Variants in NEK1 observed in about 807,000 individuals in gnomAD.
NEK1 encodes the protein NIMA related kinase 1.
Under a neutral mutation model 182.1 loss-of-function variants are expected in NEK1, and 137 were observed. The observed-to-expected ratio is 0.75, with a 90% CI of 0.65 to 0.87. The LOEUF (loss-of-function observed/expected upper bound fraction) is 0.87, where lower values mean the gene tolerates loss of function less well. NEK1 is among the 40% of genes least tolerant of loss of function. The pLI, the probability that NEK1 is intolerant of heterozygous loss-of-function variation, is 0.00. For missense variants in NEK1, 1,391 were observed against 1,494.4 expected (o/e 0.93, Z 1.14); for synonymous variants, 513 against 492.2 (o/e 1.04, Z -0.56).
chr4:169,478,456 G>T (rs1369705231), intron 24 of NEK1: 3 of 152,072 alleles, frequency 2.0e-5, no homozygotes, highest in Non-Finnish European at 4.4e-5. Context: ...GGTATCTAAA[G>T]TTGGAGTAAC....
intron 11 of NEK1, 32 bp from the exon 12 acceptor site, chr4:169,577,111 C>A: frequency 6.2e-7 from 1 of 1,605,330 alleles, no homozygotes. Context: ...ATTTTGTCTG[C>A]AGTTCTTTAC....
At chr4:169,398,327 G>T in intron 35 of NEK1, among the ~76,000 whole-genome samples, 1 of 149,680 alleles carries the variant, frequency 6.7e-6, no homozygotes, top group Admixed American at 6.7e-5. Flanking sequence ...GGGGTTTATA[G>T]ACCCTTGGAT....
In NEK1 at chr4:169,491,060, T is replaced by C. The variant is rs538841252; in HGVS notation, c.2008-11526A>G. On this transcript the variant is annotated intron_variant, in intron 23 of 35. Transcript: ENST00000507142. Reference sequence around the variant, plus strand: ...TGGGAGGCTGAGGCAGGAGAATCGCTTGAACCCAGGAGGTGGAGGCTGCAG... The same window carrying C: ...TGGGAGGCTGAGGCAGGAGAATCGCCTGAACCCAGGAGGTGGAGGCTGCAG... Among the ~76,000 whole-genome samples, 10 of 140,842 alleles carry C rather than the reference T, an allele frequency of 7.1e-5. No homozygotes were observed. In the South Asian group the frequency reaches 2.3e-3, roughly 32 times the overall value. 92.4% of individuals were successfully genotyped at this position (140,842 alleles called of 152,430 possible).
chr4:169,588,321 T>G (rs566560618), intron 8 of NEK1, among the ~76,000 whole-genome samples: 2 of 152,100 alleles, frequency 1.3e-5, no homozygotes, highest in Non-Finnish European at 2.9e-5. Context: ...TACCTAGAAC[T>G]CGAAACAGTA....
At chr4:169,428,351 G>GATAGATATATATATATAT (rs1736771741) in intron 29 of NEK1, among the ~76,000 whole-genome samples, 1 of 93,224 alleles carries the variant, frequency 1.1e-5, no homozygotes, top group Non-Finnish European at 2.2e-5. Context: ...AAATATATGG[G>GATAGATATATATATATAT]ATATATATAT....
intron 12 of NEK1, among the ~76,000 whole-genome samples, chr4:169,570,539 G>A (rs1264331034): frequency 1.3e-5 from 2 of 149,622 alleles, no homozygotes; most frequent in South Asian, 2.1e-4. Flanking sequence ...CAGCATACCC[G>A]TCCGGGAGGG....
In NEK1 at chr4:169,537,872, T is replaced by A; in HGVS notation, c.1602A>T (p.Val534=). 1 of 1,611,204 alleles carries A rather than the reference T, an allele frequency of 6.2e-7. No individual in the cohort carries two copies. The highest frequency in any genetic ancestry group is 8.5e-7 in the Non-Finnish European group (1 of 1,178,378). Reference sequence around the variant, plus strand: ...CCCGTTTTCGCTGCAGGAACTCTTCTACTTGTTTAGCTCTTTCTACAGCTA... The same window carrying A: ...CCCGTTTTCGCTGCAGGAACTCTTCAACTTGTTTAGCTCTTTCTACAGCTA... ...GQLAVERAKQ[V]EEFLQRKREA... is the part of the protein sequence containing the mutation. Residue 534 remains valine (V), a synonymous_variant, in exon 19 of 36, where the codon GTA becomes GTT. Transcript: ENST00000507142.
chr4:169,577,727 C>T (rs1452300354), intron 11 of NEK1, among the ~76,000 whole-genome samples: 1 of 151,768 alleles, frequency 6.6e-6, no homozygotes, highest in Admixed American at 6.6e-5. Context: ...GCACTCCAGC[C>T]TGGGCGACAG....
rs566725535 is a variant in NEK1 at position 169,568,552 on chromosome 4, T to A, written c.1021-6356A>T. On this transcript the variant is annotated intron_variant, in intron 12 of 35. Transcript: ENST00000507142. ...ATCACAAGTAAAAATATACAAAAAG[T>A]ATATATAACACTAAGTAAAAACACT... 2.0e-5 allele frequency among the ~76,000 whole-genome samples: 3 copies of A among 152,182 alleles called. No homozygotes were observed. The South Asian group carries it at 6.2e-4, about 32-fold the overall frequency.
intron 19 of NEK1, among the ~76,000 whole-genome samples, chr4:169,512,032 G>A (rs2149709331): frequency 6.6e-6 from 1 of 152,150 alleles, no homozygotes; most frequent in Non-Finnish European, 1.5e-5. Context: ...GGGCATTTGG[G>A]TAGTTTTAAG....
In NEK1 at chr4:169,481,600, T is replaced by G. The variant is rs539017720; in HGVS notation, c.2008-2066A>C. ...AGTAGTAATATTTGGAAATAATTTT[T>G]TTTTTCTAACCAGTAGGTCTCAACA... On this transcript the variant is annotated intron_variant, in intron 23 of 35. Transcript: ENST00000507142. Among the ~76,000 whole-genome samples, 3 of 152,328 alleles carry G rather than the reference T, an allele frequency of 2.0e-5. No homozygotes were observed. The South Asian group carries it at 6.2e-4, about 32-fold the overall frequency.
intron 5 of NEK1, among the ~76,000 whole-genome samples, chr4:169,597,221 G>A (rs1769659975): frequency 6.6e-6 from 1 of 152,112 alleles, no homozygotes; most frequent in South Asian, 2.1e-4. Context: ...CACATGTATA[G>A]TAGGTATCTC....
At chr4:169,460,229 A>C (rs1364773052) in intron 27 of NEK1, among the ~76,000 whole-genome samples, 2 of 152,020 alleles carry the variant, frequency 1.3e-5, no homozygotes, top group African/African-American at 4.8e-5. Flanking sequence ...GAAATTCATA[A>C]AAGAAAGCGG....
At chr4:169,511,649 TA>T (rs1420478896) in intron 19 of NEK1, among the ~76,000 whole-genome samples, 1 of 152,086 alleles carries the variant, frequency 6.6e-6, no homozygotes. Context: ...TGATTCAAAT[TA>T]TAGATATAAT....
intron 22 of NEK1, 51 bp from the exon 23 acceptor site, chr4:169,507,183 G>GTT (rs372604613): frequency 0.042 from 24,088 of 571,744 alleles, 234 homozygotes; most frequent in South Asian, 0.048. Context: ...AAGGGCAGAG[G>GTT]TTTTTTTTTT....
chr4:169,421,802 G>A (rs1053805414), intron 31 of NEK1, among the ~76,000 whole-genome samples: 7 of 152,140 alleles, frequency 4.6e-5, no homozygotes, highest in East Asian at 1.9e-4. Context: ...CTACACAAGC[G>A]TAGTTAAGAA....
chr4:169,432,984 C>T (rs1266250762), intron 29 of NEK1, among the ~76,000 whole-genome samples: 4 of 150,540 alleles, frequency 2.7e-5, no homozygotes, highest in Non-Finnish European at 4.4e-5. Context: ...AGGTTGGTCT[C>T]GAGCTCCTGT....
intron 23 of NEK1, among the ~76,000 whole-genome samples, chr4:169,480,303 C>T (rs1338971205): frequency 6.6e-6 from 1 of 151,940 alleles, no homozygotes; most frequent in Non-Finnish European, 1.5e-5. Flanking sequence ...CTTCACTTTA[C>T]AACAATACAG....
intron 10 of NEK1, among the ~76,000 whole-genome samples, chr4:169,582,756 C>A (rs2150060238): frequency 6.6e-6 from 1 of 152,178 alleles, no homozygotes; most frequent in East Asian, 1.9e-4. Context: ...GCCACATGCG[C>A]CTATTTGAAT....
Sources: gnomAD v4.1 joint callset for allele counts (sites outside exome capture counted in the v4.1 genomes callset) on GRCh38, gnomAD v4.1.1 for gene constraint, MANE v1.5 for transcripts, NCBI Gene and HGNC (gene_info 2026-07-23, HGNC 2026-07-21) for gene names.